Variants in GMPR2 observed in about 807,000 individuals in gnomAD.
The protein encoded by GMPR2 is guanosine monophosphate reductase 2.
In GMPR2, 32 loss-of-function variants were observed where a neutral mutation model predicts 38.5. The observed-to-expected ratio is 0.83, with a 90% CI of 0.63 to 1.12. The LOEUF (loss-of-function observed/expected upper bound fraction) is 1.12, where lower values mean the gene tolerates loss of function less well. GMPR2 is among the 50% of genes most tolerant of loss of function. The probability of loss-of-function intolerance (pLI) is 0.00; values close to 1 mark genes in which losing one functional copy is unlikely to be tolerated. For synonymous variants in GMPR2, 154 were observed against 151.0 expected (o/e 1.02, Z -0.15); for missense variants, 396 against 432.1 (o/e 0.92, Z 0.74).
At position 24,235,523 on chromosome 14, in the gene GMPR2, G is replaced by A. The variant is rs1023086474; in HGVS notation, c.208-214G>A. ...CCCAGATCACTCAGTACTTTGGTGG[G>A]AAATCTGACAAGTACTAGCTTATGG... On this transcript the variant is annotated intron_variant, in intron 3 of 9. Transcript: ENST00000399440. 1.1e-5 allele frequency: 6 copies of A among 568,308 alleles called. No homozygotes were observed. In the African/African-American group the frequency reaches 1.1e-4, roughly 11 times the overall value. The allele number at this position is 568,308 out of a possible 1,614,324, so 35.2% of individuals were successfully genotyped here. A position where few individuals can be genotyped will look rare whatever the true frequency, so the allele number is the denominator to read the frequency against.
chr14:24,235,738 T>G lies in GMPR2; in HGVS notation c.209T>G (p.Phe70Cys). ...GATGCTTCTTTGTCTTCTCCCCAGT[T>G]CTCTCTCTTCACTGCTGTCCATAAG... ...TFEMAKVLCK[F>C]SLFTAVHKHY... The change falls in exon 4 of 10, where the codon TTC becomes TGC. Residue 70 changes from phenylalanine (F) to cysteine (C), a missense_variant and splice_region_variant. Transcript: ENST00000399440. 4 of 1,607,826 alleles carry G rather than the reference T, an allele frequency of 2.5e-6. No individual in the cohort carries two copies. The highest frequency in any genetic ancestry group is 3.4e-6 in the Non-Finnish European group (4 of 1,174,216).
intron 2 of GMPR2, 36 bp from the exon 3 acceptor site, chr14:24,233,443 T>G (rs1298268161): frequency 1.2e-6 from 2 of 1,609,408 alleles, no homozygotes; most frequent in Non-Finnish European, 1.7e-6. Flanking sequence ...GTTTTTTGGA[T>G]TAATGAAATG....
intron 8 of GMPR2, 101 bp downstream of exon 8, chr14:24,237,663 A>C: frequency 9.5e-7 from 1 of 1,054,352 alleles, no homozygotes. Flanking sequence ...AGTCATTCAG[A>C]TTCTTTCATA....
rs1471149996 is a variant in GMPR2 at position 24,238,373 on chromosome 14, G to C, written c.825G>C (p.Met275Ile). The change falls in exon 9 of 10, where the codon ATG becomes ATC. Residue 275 changes from methionine (M) to isoleucine (I), a missense_variant. Coordinates refer to ENST00000399440, the MANE Select transcript of GMPR2 (RefSeq NM_001002002.3). ...LFYGMSSEMA[M>I]KKYAGGVAEY... ...ATGGAATGAGTTCTGAAATGGCCAT[G>C]AAGAAGTATGCTGGGGGCGTGGCTG... 8.7e-6 allele frequency: 14 copies of C among 1,614,128 alleles called. No homozygotes were observed. Among genetic ancestry groups the C allele is most frequent in the Admixed American group, 1.7e-5 (1 of 60,030 alleles).
rs1369765379 is a variant in GMPR2, at chr14:24,239,188, G to T, written c.*410G>T. ...GACCTTCACATATCTAAAAAGCTCTGAAGTGTTTGTATATTTGAAATACCT... is the reference window on the plus strand; with the variant it reads ...GACCTTCACATATCTAAAAAGCTCTTAAGTGTTTGTATATTTGAAATACCT... On this transcript the variant is annotated 3_prime_UTR_variant, in exon 10 of 10. Transcript: ENST00000399440. 1 of 366,832 alleles carries T rather than the reference G, an allele frequency of 2.7e-6. No homozygotes were observed. The highest frequency in any genetic ancestry group is 2.1e-5 in the African/African-American group (1 of 46,956). 22.7% of individuals were successfully genotyped at this position (366,832 alleles called of 1,614,324 possible).
intron 2 of GMPR2, 33 bp downstream of exon 2, chr14:24,233,373 C>A (rs2040153965): frequency 2.5e-6 from 4 of 1,611,816 alleles, no homozygotes; most frequent in Non-Finnish European, 3.4e-6. Context: ...TGTTTCTTGA[C>A]CCCACGCTCC....
rs1264161880 is a variant in GMPR2 at position 24,233,274 on chromosome 14, T to A, written c.21T>A (p.Asp7Glu). MPHIDN[D>E]VKLDFKDVLL... is the part of the protein sequence containing the mutation. ...GCGCCATGCCTCATATTGACAACGATGTGAAACTGGACTTCAAGGATGTCC... is the reference window on the plus strand; with the variant it reads ...GCGCCATGCCTCATATTGACAACGAAGTGAAACTGGACTTCAAGGATGTCC... The change falls in exon 2 of 10, where the codon GAT becomes GAA. Residue 7 changes from aspartate (D) to glutamate (E), a missense_variant. Coordinates refer to ENST00000399440, the MANE Select transcript of GMPR2 (RefSeq NM_001002002.3). The A allele has an allele frequency of 8.7e-6, 14 of 1,613,978 alleles. No individual in the cohort carries two copies. Among genetic ancestry groups the A allele is most frequent in the Non-Finnish European group, 1.2e-5 (14 of 1,180,006 alleles).
Position 24,235,989 on chromosome 14 carries a change from C to G in GMPR2, c.314C>G (p.Thr105Arg). 6.2e-7 allele frequency: 1 copy of G among 1,614,122 alleles called. No individual in the cohort carries two copies. Among genetic ancestry groups the G allele is most frequent in the Non-Finnish European group, 8.5e-7 (1 of 1,179,960 alleles). ...CAGCATCTGGCTGCCAGCTCAGGCA[C>G]AGGCTCTTCTGACTTTGAGCAGCTG... ...CLEHLAASSGTGSSDFEQLEQ... is the reference protein window; with the variant it reads ...CLEHLAASSGRGSSDFEQLEQ... The change falls in exon 5 of 10, where the codon ACA becomes AGA. Residue 105 changes from threonine to arginine, a missense_variant. Thr to Arg is a moderately conservative substitution (Grantham distance 71). Transcript: ENST00000399440.
rs1311528714 is a variant in GMPR2 at position 24,237,300 on chromosome 14, A to G, written c.603A>G (p.Ala201=). Residue 201 remains alanine (A), a synonymous_variant, in exon 7 of 10, where the codon GCA becomes GCG. Coordinates refer to ENST00000399440, the MANE Select transcript of GMPR2 (RefSeq NM_001002002.3). ...KTGVGYPQLS[A]VMECADAAHG... is the part of the protein sequence containing the mutation. ...GAGTGGGGTATCCACAGCTCAGCGC[A>G]GTGATGGAGTGTGCAGATGCTGCTC... is the stretch of plus-strand genomic sequence containing the variant. 6.2e-7 allele frequency: 1 copy of G among 1,612,316 alleles called. No homozygotes were observed. The highest frequency in any genetic ancestry group is 1.7e-5 in the Admixed American group (1 of 60,010).
upstream of GMPR2, chr14:24,232,910 T>G (rs2040114495): frequency 2.4e-6 from 1 of 423,636 alleles, no homozygotes; most frequent in African/African-American, 2.0e-5. Context: ...CCAACATTCC[T>G]TCGTTCCCCT....
At position 24,235,698 on chromosome 14, in the gene GMPR2, AGTTTTCTCCCTTTTGATGCTTCTTT is replaced by A. The variant is rs1179943288; in HGVS notation, c.208-36_208-12del. The A allele has an allele frequency of 8.8e-6, 12 of 1,358,330 alleles. No homozygotes were observed. Among genetic ancestry groups the A allele is most frequent in the South Asian group, 7.0e-5 (6 of 85,946 alleles). 84.1% of individuals were successfully genotyped at this position (1,358,330 alleles called of 1,614,324 possible). On this transcript the variant is annotated splice_polypyrimidine_tract_variant and intron_variant, in intron 3 of 9. Coordinates refer to ENST00000399440, the MANE Select transcript of GMPR2 (RefSeq NM_001002002.3). ...GTTTCTAGAAAAGAGACCTTAATAA[AGTTTTCTCCCTTTTGATGCTTCTTT>A]GTCTTCTCCCCAGTTCTCTCTCTTC... is the stretch of plus-strand genomic sequence containing the variant.
At position 24,236,034 on chromosome 14, in the gene GMPR2, T is replaced by C. The variant is rs1423678878; in HGVS notation, c.359T>C (p.Ile120Thr). The change falls in exon 5 of 10, where the codon ATT (isoleucine) becomes ACT (threonine). Residue 120 changes from isoleucine to threonine, a missense_variant. Ile to Thr is a moderately conservative substitution (Grantham distance 89, BLOSUM62 -1). Transcript: ENST00000399440. ...FEQLEQILEA[I>T]PQVKYICLDV... is the part of the protein sequence containing the mutation. Reference sequence around the variant, plus strand: ...CAGCTGGAACAGATCCTGGAAGCTATTCCCCAGGTGAAGTATATATGCCTG... The same window carrying C: ...CAGCTGGAACAGATCCTGGAAGCTACTCCCCAGGTGAAGTATATATGCCTG... 1 of 1,613,606 alleles carries C rather than the reference T, an allele frequency of 6.2e-7. No homozygotes were observed. Among genetic ancestry groups the C allele is most frequent in the South Asian group, 1.1e-5 (1 of 91,078 alleles).
At chr14:24,236,565 A>C (rs1031017442) in intron 5 of GMPR2, among the ~76,000 whole-genome samples, 1 of 152,162 alleles carries the variant, frequency 6.6e-6, no homozygotes, top group Non-Finnish European at 1.5e-5. Flanking sequence ...AAAGCCAATC[A>C]ACTGGTCAAA....
At position 24,233,523 on chromosome 14, in the gene GMPR2, A is replaced by G. The variant is rs746480197; in HGVS notation, c.132A>G (p.Thr44=). 1 of 1,614,082 alleles carries G rather than the reference A, an allele frequency of 6.2e-7. No homozygotes were observed. The highest frequency in any genetic ancestry group is 1.1e-5 in the South Asian group (1 of 91,082). Residue 44 remains threonine (T), a synonymous_variant, in exon 3 of 10, where the codon ACA becomes ACG. Transcript: ENST00000399440. ...RSFSFRNSKQ[T]YSGVPIIAAN... ...TTTCATTTCGGAACTCAAAGCAGAC[A>G]TACTCTGGGGTTCCCATCATTGCTG...
chr14:24,233,222 T>TC lies in GMPR2; in HGVS notation c.-31dup. ...CTTATGACTTCCTGCCTTCCAGCCC[T>TC]CAGATTCATCGCTACCCCGAGGCTA... is the stretch of plus-strand genomic sequence containing the variant. On this transcript the variant is annotated 5_prime_UTR_variant, in exon 2 of 10. Coordinates refer to ENST00000399440, the MANE Select transcript of GMPR2 (RefSeq NM_001002002.3). The TC allele has an allele frequency of 6.2e-7, 1 of 1,613,606 alleles. No homozygotes were observed. Among genetic ancestry groups the TC allele is most frequent in the Non-Finnish European group, 8.5e-7 (1 of 1,180,000 alleles).
intron 8 of GMPR2, 118 bp downstream of exon 8, chr14:24,237,680 ATTAG>A (rs1349116792): frequency 1.1e-6 from 1 of 928,842 alleles, no homozygotes; most frequent in African/African-American, 1.6e-5. Flanking sequence ...CATAATATGA[ATTAG>A]TGACTCCGAA....
intron 5 of GMPR2, among the ~76,000 whole-genome samples, chr14:24,236,621 C>A (rs2040357322): frequency 6.6e-6 from 1 of 152,178 alleles, no homozygotes; most frequent in Non-Finnish European, 1.5e-5. Context: ...TTCCCTGAAG[C>A]CAGACAGGTT....
chr14:24,236,932 T>A, intron 5 of GMPR2, 139 bp from the exon 6 acceptor site: 3 of 680,734 alleles, frequency 4.4e-6, no homozygotes, highest in Non-Finnish European at 7.6e-6. Context: ...GTAAAAGCCC[T>A]CAGAGGGCCC....
At position 24,233,263 on chromosome 14, in the gene GMPR2, A is replaced by T. The variant is rs1320745030; in HGVS notation, c.10A>T (p.Ile4Phe). 2 of 1,613,980 alleles carry T rather than the reference A, an allele frequency of 1.2e-6. No individual in the cohort carries two copies. The highest frequency in any genetic ancestry group is 4.5e-5 in the East Asian group (2 of 44,890). Residue 4 changes from isoleucine (I) to phenylalanine (F), a missense_variant, in exon 2 of 10, where the codon ATT (isoleucine) becomes TTT (phenylalanine). Transcript: ENST00000399440. ...CCCGAGGCTAAGCGCCATGCCTCATATTGACAACGATGTGAAACTGGACTT... is the reference window on the plus strand; with the variant it reads ...CCCGAGGCTAAGCGCCATGCCTCATTTTGACAACGATGTGAAACTGGACTT... MPHIDNDVKLDFKD... is the reference protein window; with the variant it reads MPHFDNDVKLDFKD...
Sources: gnomAD v4.1 joint callset for allele counts (sites outside exome capture counted in the v4.1 genomes callset) on GRCh38, gnomAD v4.1.1 for gene constraint, MANE v1.5 for transcripts, NCBI Gene and HGNC (gene_info 2026-07-23, HGNC 2026-07-21) for gene names.